Variants in ROBO2 observed in about 807,000 individuals in gnomAD.
ROBO2 encodes roundabout homolog 2.
ROBO2 carries 53 observed loss-of-function variants against 160.8 expected under a neutral mutation model. That is an observed-to-expected ratio of 0.33 (90% confidence interval 0.26 to 0.41). ROBO2 has a LOEUF of 0.41. Among genes scored for constraint, ROBO2 ranks in the 10% least tolerant of loss-of-function variants. ROBO2 has a pLI of 1.00. For synonymous variants in ROBO2, 664 were observed against 611.7 expected, an observed-to-expected ratio of 1.09 and a Z score of -1.26; for missense variants, 1,577 against 1,722.4, an observed-to-expected ratio of 0.92 and a Z score of 1.49.
intron 2 of ROBO2, among the ~76,000 whole-genome samples, chr3:76,291,059 A>G (rs1708777716): frequency 6.6e-6 from 1 of 152,262 alleles, no homozygotes; most frequent in Non-Finnish European, 1.5e-5. Flanking sequence ...GCCTCACTGC[A>G]TGAGTTAGGG....
chr3:77,391,083 T>C (rs910617700), intron 2 of ROBO2, among the ~76,000 whole-genome samples: 1 of 152,098 alleles, frequency 6.6e-6, no homozygotes, highest in Middle Eastern at 3.2e-3. Flanking sequence ...TCCCAGGTTC[T>C]TTCTCTCTGT....
chr3:77,453,252 A>T (rs2081297187), intron 2 of ROBO2, among the ~76,000 whole-genome samples: 2 of 152,132 alleles, frequency 1.3e-5, no homozygotes, highest in African/African-American at 4.8e-5. Flanking sequence ...TTTTCATTCA[A>T]CATTTATTGA....
chr3:76,030,303 C>T (rs1364031499), intron 2 of ROBO2, among the ~76,000 whole-genome samples: 1 of 149,890 alleles, frequency 6.7e-6, no homozygotes. Context: ...AAATTTTCTC[C>T]CGTTCTGTAG....
At chr3:76,157,281 T>G (rs551664607) in intron 2 of ROBO2, among the ~76,000 whole-genome samples, 19 of 152,288 alleles carry the variant, frequency 1.2e-4, no homozygotes, top group African/African-American at 4.6e-4. Flanking sequence ...GAGGCCATAC[T>G]GTATTTTTGT....
chr3:76,110,911 T>A (rs992541288), intron 2 of ROBO2, among the ~76,000 whole-genome samples: 1 of 152,174 alleles, frequency 6.6e-6, no homozygotes, highest in Non-Finnish European at 1.5e-5. Flanking sequence ...TATTTTTTTC[T>A]CTTTTCAATC....
intron 2 of ROBO2, among the ~76,000 whole-genome samples, chr3:76,227,388 A>G (rs1704354261): frequency 6.6e-6 from 1 of 152,166 alleles, no homozygotes; most frequent in African/African-American, 2.4e-5. Context: ...AGTGGATAAA[A>G]ATGATTGTCT....
chr3:76,981,728 G>A lies in ROBO2; in HGVS notation c.110-116286G>A, dbSNP rs555291942. Among the ~76,000 whole-genome samples, 3 of 152,262 alleles carry A rather than the reference G, an allele frequency of 2.0e-5. No homozygotes were observed. In the East Asian group the frequency reaches 5.8e-4, roughly 29 times the overall value. ...GGCTCACTATTCTGTGGGCTTTACA[G>A]GAAGCATAGTGCTGACATCAGCTTG... On this transcript the variant is annotated intron_variant, in intron 2 of 26. Coordinates refer to the ROBO2 transcript ENST00000487694.
Position 76,078,065 on chromosome 3 carries a change from G to A in ROBO2, c.109+140463G>A, listed in dbSNP as rs75879620. ...TAATTTTTCAAAATTTCACAATACT[G>A]GAATATATTCTTCCCTTAGTGGCAA... is the stretch of plus-strand genomic sequence containing the variant. On this transcript the variant is annotated intron_variant, in intron 2 of 26. Coordinates refer to the ROBO2 transcript ENST00000487694. 7.0e-3 allele frequency among the ~76,000 whole-genome samples: 1,061 copies of A among 152,182 alleles called. 62 individuals are homozygous for A. The East Asian group carries it at 0.15, about 22-fold the overall frequency.
intron 2 of ROBO2, among the ~76,000 whole-genome samples, chr3:77,318,006 A>G (rs572594330): frequency 2.7e-5 from 4 of 149,984 alleles, no homozygotes; most frequent in African/African-American, 7.6e-5. Context: ...GATTTATTTT[A>G]TTTTATGTTA....
At chr3:76,458,146 CAT>C (rs2077878667) in intron 2 of ROBO2, among the ~76,000 whole-genome samples, 1 of 152,168 alleles carries the variant, frequency 6.6e-6, no homozygotes, top group African/African-American at 2.4e-5. Context: ...TTTTCTATCA[CAT>C]AGTCAGGCTA....
intron 2 of ROBO2, among the ~76,000 whole-genome samples, chr3:76,269,673 A>G (rs1281961369): frequency 6.6e-6 from 1 of 151,972 alleles, no homozygotes; most frequent in Non-Finnish European, 1.5e-5. Context: ...CTAAAAACCA[A>G]TGCATAATTA....
intron 2 of ROBO2, among the ~76,000 whole-genome samples, chr3:77,469,061 G>A (rs1348755736): frequency 6.6e-6 from 1 of 152,166 alleles, no homozygotes; most frequent in Non-Finnish European, 1.5e-5. Flanking sequence ...TGTACCAAAT[G>A]TAATAAAGTA....
intron 2 of ROBO2, among the ~76,000 whole-genome samples, chr3:77,449,956 G>T (rs2080954617): frequency 6.6e-6 from 1 of 151,762 alleles, no homozygotes; most frequent in African/African-American, 2.4e-5. Context: ...TCTGCCATCT[G>T]CCTGTCAATA....
intron 6 of ROBO2, among the ~76,000 whole-genome samples, chr3:77,539,536 G>A (rs1017250271): frequency 2.0e-5 from 3 of 151,912 alleles, no homozygotes; most frequent in African/African-American, 7.3e-5. Flanking sequence ...TAATGGAATA[G>A]GTATAATAAT....
rs35033738 is a variant in ROBO2 at position 76,993,883 on chromosome 3, T to TAA, written c.110-104120_110-104119dup. On this transcript the variant is annotated intron_variant, in intron 2 of 26. Coordinates refer to the ROBO2 transcript ENST00000487694. Reference sequence around the variant, plus strand: ...TATATTTTTTTAACTTTAGCTTTTGTAAAAAAAAAAAACAAAACATTGTAA... The same window carrying TAA: ...TATATTTTTTTAACTTTAGCTTTTGTAAAAAAAAAAAAAACAAAACATTGTAA... Among the ~76,000 whole-genome samples the TAA allele has an allele frequency of 1.6e-3, 229 of 143,502 alleles. 1 individual carries two copies. Among genetic ancestry groups the TAA allele is most frequent in the African/African-American group, 4.4e-3 (174 of 39,564 alleles). 94.1% of individuals were successfully genotyped at this position (143,502 alleles called of 152,430 possible).
At chr3:77,456,875 G>A (rs2081700884) in intron 2 of ROBO2, among the ~76,000 whole-genome samples, 1 of 152,160 alleles carries the variant, frequency 6.6e-6, no homozygotes, top group African/African-American at 2.4e-5. Flanking sequence ...GGGTCACAGT[G>A]TAGATATGGC....
At chr3:76,543,778 G>C (rs1352837166) in intron 2 of ROBO2, among the ~76,000 whole-genome samples, 1 of 151,976 alleles carries the variant, frequency 6.6e-6, no homozygotes, top group Non-Finnish European at 1.5e-5. Flanking sequence ...CTCAGTGACA[G>C]CTGAAATATC....
intron 2 of ROBO2, among the ~76,000 whole-genome samples, chr3:76,940,075 G>C (rs186371517): frequency 7.0e-6 from 1 of 143,646 alleles, no homozygotes; most frequent in African/African-American, 2.6e-5. Flanking sequence ...TCCGCCTCCC[G>C]GGTTCACACC....
At chr3:77,138,987 G>A (rs76962910) in intron 2 of ROBO2, among the ~76,000 whole-genome samples, 2,285 of 152,086 alleles carry the variant, frequency 0.015, 71 homozygotes, top group African/African-American at 0.052. Context: ...CTTAGCAACC[G>A]CGCTGTTTTT....
Sources: allele counts gnomAD v4.1 joint callset (sites outside exome capture counted in the v4.1 genomes callset), GRCh38; gene constraint gnomAD v4.1.1; transcripts MANE v1.5; gene names NCBI Gene and HGNC (gene_info 2026-07-23, HGNC 2026-07-21).